The following BIRC6 variants were observed in gnomAD, a reference collection of about 807,000 sequenced individuals.
BIRC6 encodes baculoviral IAP repeat containing 6.
In BIRC6, 98 loss-of-function variants were observed where a neutral mutation model predicts 503.3. The observed-to-expected ratio is 0.19, with a 90% CI of 0.17 to 0.23. The LOEUF is 0.23. Ranked by LOEUF, BIRC6 falls within the 10% of genes least tolerant of loss-of-function variation. The pLI is 1.00. For missense variants in BIRC6, 5,360 were observed against 5,806.0 expected, an observed-to-expected ratio of 0.92 and a Z score of 2.50; for synonymous variants, 2,240 against 2,078.7, an observed-to-expected ratio of 1.08 and a Z score of -2.11.
intron 3 of BIRC6, 115 bp from the exon 4 acceptor site, chr2:32,388,635 G>T: frequency 1.4e-6 from 1 of 717,974 alleles, no homozygotes; most frequent in Non-Finnish European, 2.1e-6. Context: ...ATAAACTAAT[G>T]AAGAAAACTG....
At chr2:32,586,250 T>TA (rs776879877) in intron 66 of BIRC6, among the ~76,000 whole-genome samples, 2,313 of 144,680 alleles carry the variant, frequency 0.016, 23 homozygotes, top group Middle Eastern at 0.025. Context: ...TTAAGTGATT[T>TA]AAAAAAAAAA....
At chr2:32,608,239 G>C (rs2062607619) in intron 72 of BIRC6, among the ~76,000 whole-genome samples, 3 of 150,662 alleles carry the variant, frequency 2.0e-5, no homozygotes, top group Admixed American at 1.3e-4. Context: ...GCTGCAGTAA[G>C]CTGTGTTCAC....
chr2:32,395,372 A>T (rs1276262875), intron 5 of BIRC6, 139 bp from the exon 6 acceptor site: 2 of 598,828 alleles, frequency 3.3e-6, no homozygotes, highest in African/African-American at 3.7e-5. Flanking sequence ...GTATTGTTGG[A>T]CCTAATATTA....
chr2:32,515,293 A>G lies in BIRC6; in HGVS notation c.10872A>G (p.Lys3624=). The change falls in exon 55 of 74, where the codon AAA becomes AAG. Residue 3624 remains lysine (K), a synonymous_variant. Transcript: ENST00000421745. ...CTTCTCAATCTCCTGAAGCTATTAA[A>G]CAATTACTAGACTCAGGTTTGCCTT... ...ASSSQSPEAI[K]QLLDSGLPSL... The G allele has an allele frequency of 6.2e-7, 1 of 1,613,882 alleles. No homozygotes were observed. The highest frequency in any genetic ancestry group is 8.5e-7 in the Non-Finnish European group (1 of 1,179,878).
At chr2:32,438,615 A>G (rs983069532) in intron 15 of BIRC6, among the ~76,000 whole-genome samples, 1 of 142,106 alleles carries the variant, frequency 7.0e-6, no homozygotes, top group Non-Finnish European at 1.5e-5. Context: ...GCTGGAGTGC[A>G]GTGGTGCCAT....
chr2:32,542,783 C>G (rs2057770104), intron 61 of BIRC6, among the ~76,000 whole-genome samples: 1 of 152,108 alleles, frequency 6.6e-6, no homozygotes, highest in Non-Finnish European at 1.5e-5. Flanking sequence ...TCATGTGCGT[C>G]TTGATGTTTG....
At chr2:32,476,532 G>T (rs181790067) in intron 34 of BIRC6, among the ~76,000 whole-genome samples, 188 bp downstream of exon 34, 62 of 152,206 alleles carry the variant, frequency 4.1e-4, no homozygotes, top group Non-Finnish European at 8.2e-4. Flanking sequence ...AAGTATTATT[G>T]TAATGTATTA....
At chr2:32,590,532 T>C (rs1360285790) in intron 66 of BIRC6, among the ~76,000 whole-genome samples, 2 of 152,232 alleles carry the variant, frequency 1.3e-5, no homozygotes, top group Non-Finnish European at 2.9e-5. Context: ...ATGGTGTATT[T>C]AGTCTTACTA....
intron 13 of BIRC6, among the ~76,000 whole-genome samples, chr2:32,435,030 G>C (rs1393463227): frequency 1.3e-5 from 2 of 152,132 alleles, no homozygotes; most frequent in African/African-American, 4.8e-5. Context: ...GGGGGTCCTG[G>C]AACTAATCCC....
chr2:32,467,572 A>G lies in BIRC6; in HGVS notation c.5404A>G (p.Thr1802Ala). 1 of 1,613,866 alleles carries G rather than the reference A, an allele frequency of 6.2e-7. No homozygotes were observed. ...GGATTTTGGGAGGCCTATATTGTTG[A>G]CTGATGTATTGATTCCCACTTGTGG... is the stretch of plus-strand genomic sequence containing the variant. Reference protein sequence around the residue: ...TLDFGRPILLTDVLIPTCGDL... With the variant: ...TLDFGRPILLADVLIPTCGDL... Residue 1802 changes from threonine to alanine, a missense_variant, in exon 27 of 74, where the codon ACT becomes GCT. Around this residue, in one of 16 missense-constraint regions of BIRC6, gnomAD observed 2,299 missense variants for 2,267.2 expected, o/e 1.01. Transcript: ENST00000421745.
At chr2:32,597,091 A>G (rs1274646851) in intron 68 of BIRC6, among the ~76,000 whole-genome samples, 2 of 152,244 alleles carry the variant, frequency 1.3e-5, no homozygotes, top group South Asian at 2.1e-4. Context: ...TGATGCTTTC[A>G]TAAGAAACTG....
At chr2:32,555,637 AAAAAAT>A (rs2058719876) in intron 65 of BIRC6, among the ~76,000 whole-genome samples, 1 of 151,834 alleles carries the variant, frequency 6.6e-6, no homozygotes, top group Admixed American at 6.6e-5. Context: ...CAAAAAAATA[AAAAAAT>A]AAAAATAAAA....
At chr2:32,494,435 C>T (rs1458984318) in intron 45 of BIRC6, among the ~76,000 whole-genome samples, 1 of 151,446 alleles carries the variant, frequency 6.6e-6, no homozygotes, top group African/African-American at 2.4e-5. Flanking sequence ...ACTATGTTGG[C>T]CAGGGTGGTC....
chr2:32,587,786 G>A (rs957033665), intron 66 of BIRC6, among the ~76,000 whole-genome samples: 2 of 152,238 alleles, frequency 1.3e-5, no homozygotes, highest in South Asian at 4.1e-4. Context: ...ATAGAATAAT[G>A]TGCATTTTAC....
At chr2:32,375,800 C>G (rs1296686785) in intron 1 of BIRC6, among the ~76,000 whole-genome samples, 1 of 148,394 alleles carries the variant, frequency 6.7e-6, no homozygotes, top group Non-Finnish European at 1.5e-5. Context: ...TTGTCCCTGC[C>G]TTTTGGGAAC....
intron 66 of BIRC6, among the ~76,000 whole-genome samples, chr2:32,585,100 T>C (rs1388069737): frequency 6.6e-6 from 1 of 152,098 alleles, no homozygotes; most frequent in Non-Finnish European, 1.5e-5. Flanking sequence ...AGGAAATAGT[T>C]TCCTAAGGAC....
In BIRC6 at chr2:32,460,140, GTATTA is replaced by G. The variant is rs1038081173; in HGVS notation, c.4754-3045_4754-3041del. Among the ~76,000 whole-genome samples the G allele has an allele frequency of 1.3e-4, 15 of 117,042 alleles. No individual in the cohort carries two copies. The East Asian group carries it at 3.1e-3, about 24-fold the overall frequency. The allele number at this position is 117,042 out of a possible 152,430, so 76.8% of individuals were successfully genotyped here. A position where few individuals can be genotyped will look rare whatever the true frequency, so the allele number is the denominator to read the frequency against. On this transcript the variant is annotated intron_variant, in intron 23 of 73. Transcript: ENST00000421745. ...ACTCATCTTGGTCTTGTTCATATATGTATTATATTATATATATGATATATCTGATA... is the reference window on the plus strand; with the variant it reads ...ACTCATCTTGGTCTTGTTCATATATGTATTATATATATGATATATCTGATA...
chr2:32,507,618 ATTAT>A (rs2053945672), intron 50 of BIRC6, among the ~76,000 whole-genome samples: 1 of 152,214 alleles, frequency 6.6e-6, no homozygotes, highest in Non-Finnish European at 1.5e-5. Context: ...GTAGTTTTGT[ATTAT>A]TTGTGATAAT....
rs753904256 is a variant in BIRC6 at position 32,543,269 on chromosome 2, C to T, written c.12320C>T (p.Thr4107Ile). ...AGTGCTCCAGTTGTAACATCTACCA[C>T]TCAGGAAAAGCCGAAGGATAGCGAT... is the stretch of plus-strand genomic sequence containing the variant. ...QVSAPVVTST[T>I]QEKPKDSDQF... Residue 4107 changes from threonine to isoleucine, a missense_variant, in exon 62 of 74, where the codon ACT becomes ATT. Transcript: ENST00000421745. The T allele has an allele frequency of 1.2e-6, 2 of 1,613,850 alleles. No homozygotes were observed. The highest frequency in any genetic ancestry group is 1.7e-6 in the Non-Finnish European group (2 of 1,179,854).
Sources: allele counts gnomAD v4.1 joint callset (sites outside exome capture counted in the v4.1 genomes callset), GRCh38; gene constraint gnomAD v4.1.1; regional missense constraint gnomAD v4.1.1; transcripts MANE v1.5; gene names NCBI Gene and HGNC (gene_info 2026-07-23, HGNC 2026-07-21).